Variants in THADA observed in about 807,000 individuals in gnomAD.
THADA encodes tRNA (32-2'-O)-methyltransferase regulator THADA.
THADA carries 213 observed loss-of-function variants against 219.8 expected under a neutral mutation model. That is an observed-to-expected ratio of 0.97 (90% CI 0.87 to 1.09). The LOEUF (loss-of-function observed/expected upper bound fraction) is 1.09, where lower values mean the gene tolerates loss of function less well. Ranked by LOEUF, THADA falls within the 50% of genes least tolerant of loss-of-function variation. THADA has a pLI of 0.00. For synonymous variants in THADA, 1,018 were observed against 828.9 expected (o/e 1.23, Z -3.92); for missense variants, 2,956 against 2,311.3 (o/e 1.28, Z -5.72).
In THADA at chr2:43,574,994, A is replaced by G. The variant is rs775092946; in HGVS notation, c.1071T>C (p.Ser357=). Residue 357 remains serine, a synonymous_variant, in exon 11 of 38, where the codon TCT becomes TCC. Coordinates refer to ENST00000405975, the MANE Select transcript of THADA (RefSeq NM_022065.5). ...AATTAGTCCAGGATGCTAAGATTCTAGACAGAAACATTTCCAGCGTTGGCT... is the reference window on the plus strand; with the variant it reads ...AATTAGTCCAGGATGCTAAGATTCTGGACAGAAACATTTCCAGCGTTGGCT... ...IKEPTLEMFL[S]RILASWTNSA... 118 of 1,612,694 alleles carry G rather than the reference A, an allele frequency of 7.3e-5. No individual in the cohort carries two copies. The highest frequency in any genetic ancestry group is 9.2e-5 in the Non-Finnish European group (109 of 1,179,352).
intron 21 of THADA, among the ~76,000 whole-genome samples, chr2:43,537,477 A>G (rs898311948): frequency 3.3e-5 from 5 of 152,262 alleles, no homozygotes; most frequent in Admixed American, 2.6e-4. Context: ...GTGCAATTCA[A>G]TGAAATTATT....
At chr2:43,577,860 T>C (rs1275931749) in intron 9 of THADA, among the ~76,000 whole-genome samples, 1 of 152,146 alleles carries the variant, frequency 6.6e-6, no homozygotes, top group Non-Finnish European at 1.5e-5. Context: ...ACTGTGTATA[T>C]ATCTATACAT....
At chr2:43,514,590 T>TATA (rs1690960136) in intron 22 of THADA, among the ~76,000 whole-genome samples, 1 of 101,972 alleles carries the variant, frequency 9.8e-6, no homozygotes, top group African/African-American at 4.3e-5. Context: ...ATATTTTATA[T>TATA]ATGTATATTT....
At chr2:43,440,508 A>G (rs1411638209) in intron 26 of THADA, among the ~76,000 whole-genome samples, 2 of 152,314 alleles carry the variant, frequency 1.3e-5, no homozygotes, top group South Asian at 2.1e-4. Flanking sequence ...ACCACCTCAG[A>G]GCAAAACTGG....
intron 9 of THADA, among the ~76,000 whole-genome samples, chr2:43,578,179 G>T (rs919177617): frequency 6.6e-6 from 1 of 150,700 alleles, no homozygotes; most frequent in Non-Finnish European, 1.5e-5. Context: ...AAGAGACAAG[G>T]TCTCACTCTG....
chr2:43,336,379 C>G (rs976347157), intron 30 of THADA, among the ~76,000 whole-genome samples: 10 of 152,102 alleles, frequency 6.6e-5, no homozygotes, highest in African/African-American at 2.4e-4. Context: ...TCAAGTGATT[C>G]TCCTGCCTCA....
chr2:43,586,470 C>T (rs373285304), intron 6 of THADA, 21 bp from the exon 7 acceptor site: 2 of 1,535,946 alleles, frequency 1.3e-6, no homozygotes, highest in South Asian at 1.3e-5. Flanking sequence ...AAGAATATGA[C>T]AAATAAGAAT....
chr2:43,472,133 T>C lies in THADA; in HGVS notation c.3836+13101A>G, dbSNP rs530402652. 2.7e-3 allele frequency among the ~76,000 whole-genome samples: 414 copies of C among 152,288 alleles called. 3 individuals are homozygous for C. The highest frequency in any genetic ancestry group is 9.7e-3 in the African/African-American group (404 of 41,554). On this transcript the variant is annotated intron_variant, in intron 26 of 37. Coordinates refer to ENST00000405975, the MANE Select transcript of THADA (RefSeq NM_022065.5). ...AAAGAAACCTCCATAAAAAATGCCA[T>C]GGATGTCATGGAATTTGATCTTCAT...
chr2:43,559,903 T>C (rs985623759), intron 16 of THADA, among the ~76,000 whole-genome samples: 1 of 152,200 alleles, frequency 6.6e-6, no homozygotes, highest in African/African-American at 2.4e-5. Flanking sequence ...TGATCGAATA[T>C]TACATGTCCA....
At chr2:43,231,734 C>T (rs887976503) in intron 37 of THADA, among the ~76,000 whole-genome samples, 1 of 152,080 alleles carries the variant, frequency 6.6e-6, no homozygotes, top group African/African-American at 2.4e-5. Context: ...TGCAGCAGGC[C>T]AGAGAGGAAG....
At chr2:43,513,159 T>A (rs1326415862) in intron 22 of THADA, among the ~76,000 whole-genome samples, 3 of 152,192 alleles carry the variant, frequency 2.0e-5, no homozygotes, top group Non-Finnish European at 4.4e-5. Flanking sequence ...TGTTCTTATG[T>A]CTAATAAGTT....
rs146287172 is a variant in THADA at position 43,289,975 on chromosome 2, TG to T, written c.5010+1720del. Among the ~76,000 whole-genome samples, 205 of 107,604 alleles carry T rather than the reference TG, an allele frequency of 1.9e-3. 3 individuals carry two copies. In the South Asian group the frequency reaches 0.036, roughly 19 times the overall value. 70.6% of individuals were successfully genotyped at this position (107,604 alleles called of 152,430 possible). On this transcript the variant is annotated intron_variant, in intron 34 of 37. Transcript: ENST00000405975. ...GGCCCTGGTGTTTTTTTTTTGTTTT[TG>T]TTTTTTTTTTTTTTTTTGAGACAGG... is the stretch of plus-strand genomic sequence containing the variant.
At chr2:43,306,116 C>A (rs772390940) in intron 31 of THADA, among the ~76,000 whole-genome samples, 2 of 152,076 alleles carry the variant, frequency 1.3e-5, no homozygotes, top group Non-Finnish European at 2.9e-5. Flanking sequence ...AGGTGATTCT[C>A]CCAACTCAGC....
At chr2:43,379,899 T>C (rs1671797355) in intron 29 of THADA, among the ~76,000 whole-genome samples, 1 of 152,210 alleles carries the variant, frequency 6.6e-6, no homozygotes, top group South Asian at 2.1e-4. Context: ...GAATATTAAA[T>C]GTATTTTGCT....
intron 25 of THADA, among the ~76,000 whole-genome samples, chr2:43,495,212 G>C (rs551573187): frequency 8.0e-4 from 122 of 152,184 alleles, no homozygotes; most frequent in Non-Finnish European, 1.3e-3. Flanking sequence ...TTTTATCTTA[G>C]ATTTTTATAC....
At chr2:43,401,084 A>T (rs914959972) in intron 28 of THADA, among the ~76,000 whole-genome samples, 7 of 152,208 alleles carry the variant, frequency 4.6e-5, no homozygotes, top group Non-Finnish European at 8.8e-5. Context: ...ATTCCTTGAA[A>T]ATCAGTTCCT....
At chr2:43,502,596 A>AC in intron 24 of THADA, among the ~76,000 whole-genome samples, 1 of 150,182 alleles carries the variant, frequency 6.7e-6, no homozygotes, top group Non-Finnish European at 1.5e-5. Context: ...AAAAAAAAAA[A>AC]AAAAAAGAAA....
chr2:43,343,408 T>C (rs1218566848), intron 30 of THADA: 1 of 152,182 alleles, frequency 6.6e-6, no homozygotes, highest in Non-Finnish European at 1.5e-5. Flanking sequence ...GCGCCTCTTC[T>C]GGAGCTACTC....
intron 25 of THADA, chr2:43,492,353 C>A (rs1202396267): frequency 1.3e-5 from 2 of 151,354 alleles, no homozygotes; most frequent in African/African-American, 4.9e-5. Flanking sequence ...GTAATTAAAA[C>A]TGGGTTACAC....
Sources: gnomAD v4.1 joint callset for allele counts (sites outside exome capture counted in the v4.1 genomes callset) on GRCh38, gnomAD v4.1.1 for gene constraint, MANE v1.5 for transcripts, NCBI Gene and HGNC (gene_info 2026-07-23, HGNC 2026-07-21) for gene names.